LRP1B: variants seen among roughly 807,000 people sequenced by gnomAD.
The protein encoded by LRP1B is LDL receptor related protein 1B.
LRP1B carries 217 observed loss-of-function variants against 556.6 expected under a neutral mutation model. That is an observed-to-expected ratio of 0.39 (90% CI 0.35 to 0.44). The LOEUF is 0.44. LRP1B is among the 20% of genes least tolerant of loss of function. LRP1B has a pLI of 1.00. For missense variants in LRP1B, 5,053 were observed against 5,620.8 expected, an observed-to-expected ratio of 0.90 and a Z score of 3.23; for synonymous variants, 2,047 against 1,865.8, an observed-to-expected ratio of 1.10 and a Z score of -2.50.
Position 140,487,645 on chromosome 2 carries a change from C to G in LRP1B, c.9215G>C (p.Arg3072Thr), listed in dbSNP as rs745906015. The G allele has an allele frequency of 6.2e-7, 1 of 1,608,490 alleles. No individual in the cohort carries two copies. Among genetic ancestry groups the G allele is most frequent in the Non-Finnish European group, 8.5e-7 (1 of 1,176,834 alleles). Residue 3072 changes from arginine to threonine, a missense_variant, in exon 58 of 91, where the codon AGA becomes ACA. Physicochemically the swap from Arg to Thr is moderately conservative, Grantham distance 71. Coordinates refer to ENST00000389484, the MANE Select transcript of LRP1B (RefSeq NM_018557.3). ...AATGTCACTTCCATTTAAACACATT[C>G]TATTTATGCGACTGCCATTGGGTCG... ...SSRPNGSRIN[R>T]MCLNGSDIKV... is the part of the protein sequence containing the mutation.
chr2:140,537,774 G>A (rs1679978404), intron 45 of LRP1B, among the ~76,000 whole-genome samples: 1 of 152,092 alleles, frequency 6.6e-6, no homozygotes, highest in Admixed American at 6.6e-5. Flanking sequence ...TAAGCCAAGA[G>A]TCTGAAAGTA....
chr2:141,395,020 T>G (rs538561457), intron 3 of LRP1B, among the ~76,000 whole-genome samples: 2 of 152,242 alleles, frequency 1.3e-5, no homozygotes, highest in Admixed American at 1.3e-4. Context: ...TAGTCAATGA[T>G]GGACTGCATA....
chr2:141,131,580 A>G (rs1002334146), intron 7 of LRP1B, among the ~76,000 whole-genome samples: 1 of 151,764 alleles, frequency 6.6e-6, no homozygotes, highest in African/African-American at 2.4e-5. Flanking sequence ...CTATACAAAA[A>G]ATATTCCAAA....
At chr2:141,466,950 G>GAT (rs59093011) in intron 3 of LRP1B, among the ~76,000 whole-genome samples, 7,008 of 140,626 alleles carry the variant, frequency 0.05, 266 homozygotes, top group South Asian at 0.17. Context: ...GTGCTCAGGG[G>GAT]ATATATATAT....
At chr2:140,668,465 C>G (rs552939568) in intron 41 of LRP1B, among the ~76,000 whole-genome samples, 1 of 149,378 alleles carries the variant, frequency 6.7e-6, no homozygotes, top group Admixed American at 6.7e-5. Context: ...TGGAGATTTA[C>G]TGTAGGCATG....
Position 141,141,985 on chromosome 2 carries a change from T to C in LRP1B, c.1013+46436A>G, listed in dbSNP as rs140280481. Among the ~76,000 whole-genome samples the C allele has an allele frequency of 3.3e-5, 5 of 150,860 alleles. No homozygotes were observed. The East Asian group carries it at 9.7e-4, about 29-fold the overall frequency. On this transcript the variant is annotated intron_variant, in intron 7 of 90. Transcript: ENST00000389484. ...ATAAATGTTATATTGTGGGCCACAA[T>C]ACAAAACGATAGGGTTTTTTTTTTT...
intron 41 of LRP1B, among the ~76,000 whole-genome samples, chr2:140,633,265 T>A (rs1334980889): frequency 6.8e-6 from 1 of 147,998 alleles, no homozygotes; most frequent in Non-Finnish European, 1.5e-5. Flanking sequence ...TCAAAAATAT[T>A]TAGAGTAAAT....
At chr2:140,856,152 T>C (rs1056929293) in intron 27 of LRP1B, among the ~76,000 whole-genome samples, 20 of 152,200 alleles carry the variant, frequency 1.3e-4, no homozygotes, top group African/African-American at 4.8e-4. Context: ...ACATACACAT[T>C]GTGTACACAC....
At chr2:141,606,491 C>A (rs1687921626) in intron 2 of LRP1B, among the ~76,000 whole-genome samples, 1 of 152,208 alleles carries the variant, frequency 6.6e-6, no homozygotes, top group African/African-American at 2.4e-5. Context: ...TGTATTCCCC[C>A]AAAATTCCTG....
chr2:140,653,291 A>T (rs4954848), intron 41 of LRP1B, among the ~76,000 whole-genome samples: 22,392 of 152,094 alleles, frequency 0.15, 1,922 homozygotes, highest in African/African-American at 0.22. Flanking sequence ...AATAACAAGT[A>T]GCAAAAGTTT....
intron 10 of LRP1B, among the ~76,000 whole-genome samples, chr2:141,049,648 A>T (rs1235338482): frequency 6.6e-6 from 1 of 152,124 alleles, no homozygotes; most frequent in Non-Finnish European, 1.5e-5. Flanking sequence ...TTTAAGACAC[A>T]CCAACCCCAA....
intron 1 of LRP1B, among the ~76,000 whole-genome samples, chr2:141,940,024 C>T (rs546064476): frequency 1.3e-5 from 1 of 75,308 alleles, no homozygotes; most frequent in East Asian, 4.8e-4. Flanking sequence ...CTCAAGTCCT[C>T]AGTATAAGGA....
chr2:140,725,019 A>G (rs1286370022), intron 35 of LRP1B, among the ~76,000 whole-genome samples: 3 of 152,166 alleles, frequency 2.0e-5, no homozygotes, highest in African/African-American at 7.2e-5. Flanking sequence ...CACATTTACA[A>G]AAACTGCCTT....
intron 2 of LRP1B, among the ~76,000 whole-genome samples, chr2:141,796,213 A>G (rs1448368687): frequency 2.6e-5 from 4 of 152,138 alleles, no homozygotes; most frequent in South Asian, 2.1e-4. Flanking sequence ...CTATTTATCA[A>G]TGAAAGAAAT....
chr2:140,774,849 G>A (rs907727003), intron 33 of LRP1B, among the ~76,000 whole-genome samples: 1 of 151,950 alleles, frequency 6.6e-6, no homozygotes, highest in East Asian at 1.9e-4. Context: ...TATTATTGTG[G>A]ACATGACCCC....
chr2:141,229,095 G>T, intron 6 of LRP1B, 88 bp downstream of exon 6: 2 of 1,307,900 alleles, frequency 1.5e-6, no homozygotes, highest in Non-Finnish European at 2.2e-6. Context: ...ACAGCCATGA[G>T]CTATGCTAGA....
chr2:140,512,941 G>C (rs1176669690), intron 51 of LRP1B, among the ~76,000 whole-genome samples: 1 of 152,066 alleles, frequency 6.6e-6, no homozygotes, highest in Non-Finnish European at 1.5e-5. Flanking sequence ...TTGGTAGTTA[G>C]TACATAAAAT....
intron 11 of LRP1B, among the ~76,000 whole-genome samples, chr2:141,031,409 T>C (rs551042026): frequency 6.6e-6 from 1 of 152,004 alleles, no homozygotes; most frequent in South Asian, 2.1e-4. Flanking sequence ...CTACCTAATC[T>C]TTAAACTTTT....
intron 2 of LRP1B, among the ~76,000 whole-genome samples, chr2:141,512,582 C>T (rs1038346): frequency 0.97 from 148,310 of 152,246 alleles, 72,349 homozygotes; most frequent in East Asian, 1. Context: ...GCACACCTGT[C>T]AGACACAAAC....
Sources: allele counts gnomAD v4.1 joint callset (sites outside exome capture counted in the v4.1 genomes callset), GRCh38; gene constraint gnomAD v4.1.1; transcripts MANE v1.5; gene names NCBI Gene and HGNC (gene_info 2026-07-23, HGNC 2026-07-21).